The following FAP variants were observed in gnomAD, a reference collection of about 807,000 sequenced individuals.
The protein encoded by FAP is prolyl endopeptidase FAP.
In FAP, 110 loss-of-function variants were observed where a neutral mutation model predicts 126.5. The ratio of observed to expected loss-of-function variants is 0.87; its 90% CI spans 0.74 to 1.02. The LOEUF is 1.02. Ranked by LOEUF, FAP falls within the 50% of genes least tolerant of loss-of-function variation. The probability of loss-of-function intolerance (pLI) is 0.00; values close to 1 mark genes in which losing one functional copy is unlikely to be tolerated. For missense variants in FAP, 919 were observed against 909.2 expected, an observed-to-expected ratio of 1.01 and a Z score of -0.14; for synonymous variants, 334 against 297.3, an observed-to-expected ratio of 1.12 and a Z score of -1.27.
intron 16 of FAP, among the ~76,000 whole-genome samples, chr2:162,197,966 T>C (rs1421001184): frequency 6.6e-6 from 1 of 152,210 alleles, no homozygotes; most frequent in Non-Finnish European, 1.5e-5. Flanking sequence ...AATGACTACT[T>C]AGACCCCAAT....
chr2:162,217,054 T>G (rs1282310123), intron 9 of FAP, among the ~76,000 whole-genome samples: 1 of 152,210 alleles, frequency 6.6e-6, no homozygotes, highest in Non-Finnish European at 1.5e-5. Context: ...TCTCCAGCTT[T>G]TAGAGTTTTT....
Position 162,243,307 on chromosome 2 carries a change from G to T in FAP, c.6+15C>A. On this transcript the variant is annotated intron_variant, in intron 1 of 25. Transcript: ENST00000188790. ...CCCTAATTTTTTAAGAATACTTGAG[G>T]TTGCTTATACTAACCTTCATTTTTC... 1 of 1,593,246 alleles carries T rather than the reference G, an allele frequency of 6.3e-7. No individual in the cohort carries two copies. Among genetic ancestry groups the T allele is most frequent in the Non-Finnish European group, 8.6e-7 (1 of 1,163,438 alleles).
In FAP at chr2:162,219,178, A is replaced by G; in HGVS notation, c.492T>C (p.Tyr164=). ...TCAAATAGATATTGTTTTGATAGAC[A>G]TATGCCTAAAAGTGGTGGTAAGGGG... ...CWSPVGSKLA[Y]VYQNNIYLKQ... is the part of the protein sequence containing the mutation. The change falls in exon 8 of 26, where the codon TAT becomes TAC. Residue 164 remains tyrosine, a synonymous_variant. Coordinates refer to ENST00000188790, the MANE Select transcript of FAP (RefSeq NM_004460.5). The G allele has an allele frequency of 2.5e-6, 4 of 1,604,596 alleles. No homozygotes were observed. The highest frequency in any genetic ancestry group is 3.4e-6 in the Non-Finnish European group (4 of 1,175,478).
At chr2:162,179,759 G>GATCTATCT (rs1320073177) in intron 21 of FAP, among the ~76,000 whole-genome samples, 41 of 134,874 alleles carry the variant, frequency 3.0e-4, no homozygotes, top group African/African-American at 7.1e-4. Flanking sequence ...AGGAAGCACA[G>GATCTATCT]ATCTATCTAT....
At position 162,172,805 on chromosome 2, in the gene FAP, A is replaced by T; in HGVS notation, c.2181+6T>A. On this transcript the variant is annotated splice_donor_region_variant and intron_variant, in intron 25 of 25. Coordinates refer to ENST00000188790, the MANE Select transcript of FAP (RefSeq NM_004460.5). The stretch of plus-strand genomic sequence containing the variant: ...CCATGAACATGAGTAAAACAAAATT[A>T]TGTACCATTGCCTGGAAATCCACTT... The T allele has an allele frequency of 6.2e-7, 1 of 1,608,108 alleles. No individual in the cohort carries two copies. Among genetic ancestry groups the T allele is most frequent in the Non-Finnish European group, 8.5e-7 (1 of 1,174,902 alleles).
At chr2:162,228,136 T>C (rs919743972) in intron 2 of FAP, among the ~76,000 whole-genome samples, 4 of 152,148 alleles carry the variant, frequency 2.6e-5, no homozygotes, top group Non-Finnish European at 5.9e-5. Context: ...TAAATAGTTG[T>C]TGAACAAATG....
intron 11 of FAP, among the ~76,000 whole-genome samples, chr2:162,213,368 C>A (rs1461015173): frequency 6.7e-6 from 1 of 148,408 alleles, no homozygotes; most frequent in Non-Finnish European, 1.5e-5. Flanking sequence ...GAGCGAGACG[C>A]CATCTCAAAA....
rs760628984 is a variant in FAP at position 162,194,666 on chromosome 2, T to C, written c.1450+35A>G. ...AGCATCACAGAGAGTTCAGGATTAC[T>C]TGAGACAAGATAGATAACATGCAAG... On this transcript the variant is annotated intron_variant, in intron 17 of 25. Transcript: ENST00000188790. 5.0e-6 allele frequency: 8 copies of C among 1,603,560 alleles called. No individual in the cohort carries two copies. The Admixed American group carries it at 8.3e-5, about 17-fold the overall frequency.
rs1293374413 is a variant in FAP at position 162,243,403 on chromosome 2, A to G, written c.-76T>C. On this transcript the variant is annotated 5_prime_UTR_variant, in exon 1 of 26. Coordinates refer to ENST00000188790, the MANE Select transcript of FAP (RefSeq NM_004460.5). ...CACTGGATCTGTGAAAACCGTTGAA[A>G]AGGACCAAGTCTGTCTTTGTAGTTG... The G allele has an allele frequency of 2.9e-5, 46 of 1,574,604 alleles. No homozygotes were observed. The highest frequency in any genetic ancestry group is 3.8e-5 in the Non-Finnish European group (44 of 1,165,622).
intron 22 of FAP, among the ~76,000 whole-genome samples, chr2:162,174,585 G>A (rs1687421465): frequency 1.3e-5 from 2 of 152,150 alleles, no homozygotes; most frequent in Admixed American, 1.3e-4. Flanking sequence ...CAAAAACAGA[G>A]TTAGCTCTGA....
At chr2:162,220,829 T>G (rs1394243983) in intron 6 of FAP, among the ~76,000 whole-genome samples, 1 of 152,198 alleles carries the variant, frequency 6.6e-6, no homozygotes, top group African/African-American at 2.4e-5. Flanking sequence ...TTTTGTCATC[T>G]TGAAGATTGT....
chr2:162,222,365 C>T (rs1338841577), intron 6 of FAP, among the ~76,000 whole-genome samples: 2 of 152,044 alleles, frequency 1.3e-5, no homozygotes, highest in African/African-American at 4.8e-5. Flanking sequence ...GATATGGATT[C>T]GGAGACAAGA....
At chr2:162,178,640 T>C (rs1254116394) in intron 21 of FAP, among the ~76,000 whole-genome samples, 2 of 152,232 alleles carry the variant, frequency 1.3e-5, no homozygotes, top group Admixed American at 6.5e-5. Context: ...GGCTTTGTTT[T>C]ATGTGAGCCA....
chr2:162,228,176 C>T (rs1187122463), intron 2 of FAP, among the ~76,000 whole-genome samples: 1 of 152,056 alleles, frequency 6.6e-6, no homozygotes, highest in Non-Finnish European at 1.5e-5. Flanking sequence ...GGCTGGATGG[C>T]TGGATGGCTG....
chr2:162,215,831 T>C, intron 10 of FAP, 67 bp downstream of exon 10: 1 of 1,105,720 alleles, frequency 9.0e-7, no homozygotes. Context: ...TTTTTGCTTC[T>C]AGCATGCACA....
chr2:162,243,180 A>G, intron 1 of FAP, 142 bp downstream of exon 1: 1 of 813,232 alleles, frequency 1.2e-6, no homozygotes. Flanking sequence ...CAGTATATTT[A>G]GAACAATTTT....
chr2:162,204,245 C>T (rs1455460239), intron 12 of FAP, among the ~76,000 whole-genome samples: 3 of 152,172 alleles, frequency 2.0e-5, no homozygotes, highest in African/African-American at 7.2e-5. Flanking sequence ...ATGATGACCT[C>T]ATATTTGATG....
chr2:162,181,524 T>C (rs1356381005), intron 21 of FAP, among the ~76,000 whole-genome samples: 1 of 152,176 alleles, frequency 6.6e-6, no homozygotes, highest in Non-Finnish European at 1.5e-5. Flanking sequence ...TCCTGGGCAA[T>C]GTGGTTTTCA....
intron 12 of FAP, among the ~76,000 whole-genome samples, chr2:162,203,391 A>G (rs1576163715): frequency 6.6e-6 from 1 of 152,148 alleles, no homozygotes; most frequent in Non-Finnish European, 1.5e-5. Context: ...TGGATTTACA[A>G]TGCTTAATTT....
Sources: gnomAD v4.1 joint callset for allele counts (sites outside exome capture counted in the v4.1 genomes callset) on GRCh38, gnomAD v4.1.1 for gene constraint, MANE v1.5 for transcripts, NCBI Gene and HGNC (gene_info 2026-07-23, HGNC 2026-07-21) for gene names.